PKN2: variants seen among roughly 807,000 people sequenced by gnomAD.
The protein encoded by PKN2 is serine/threonine-protein kinase N2.
Under a neutral mutation model 119.1 loss-of-function variants are expected in PKN2, and 38 were observed. The ratio of observed to expected loss-of-function variants is 0.32; its 90% CI spans 0.25 to 0.42. The LOEUF (loss-of-function observed/expected upper bound fraction) is 0.42. Among genes scored for constraint, PKN2 ranks in the 10% least tolerant of loss-of-function variants. PKN2 has a pLI of 1.00. For missense variants in PKN2, 850 were observed against 1,165.1 expected (o/e 0.73, Z 3.94); for synonymous variants, 390 against 384.9 (o/e 1.01, Z -0.15).
chr1:88,754,006 T>C (rs1430478300), intron 2 of PKN2, among the ~76,000 whole-genome samples: 1 of 148,980 alleles, frequency 6.7e-6, no homozygotes, highest in East Asian at 1.9e-4. Context: ...TACCCTTTTC[T>C]GACTGCTGTG....
intron 18 of PKN2, among the ~76,000 whole-genome samples, chr1:88,826,359 C>T (rs1429811822): frequency 3.3e-5 from 5 of 149,958 alleles, no homozygotes; most frequent in African/African-American, 7.5e-5. Flanking sequence ...GCTTCATATG[C>T]ATATCTCCTG....
At chr1:88,786,389 T>A (rs1187052925) in intron 8 of PKN2, among the ~76,000 whole-genome samples, 176 bp downstream of exon 8, 2 of 152,194 alleles carry the variant, frequency 1.3e-5, no homozygotes, top group African/African-American at 4.8e-5. Context: ...AATATAGAGA[T>A]GAATATCAGA....
intron 12 of PKN2, among the ~76,000 whole-genome samples, chr1:88,806,793 C>T (rs566057162): frequency 1.1e-4 from 17 of 152,250 alleles, no homozygotes; most frequent in Non-Finnish European, 2.1e-4. Context: ...GATCTTGGCT[C>T]ACTGCAACCT....
intron 1 of PKN2, among the ~76,000 whole-genome samples, chr1:88,740,491 A>C (rs1668534236): frequency 1.3e-5 from 2 of 152,056 alleles, no homozygotes; most frequent in Non-Finnish European, 2.9e-5. Flanking sequence ...AATACTTTTT[A>C]TTTATTAAGT....
intron 1 of PKN2, among the ~76,000 whole-genome samples, chr1:88,686,088 G>A (rs541425717): frequency 2.0e-5 from 3 of 152,226 alleles, no homozygotes; most frequent in Non-Finnish European, 4.4e-5. Context: ...AGATCTTACA[G>A]CATACCACAT....
intron 15 of PKN2, among the ~76,000 whole-genome samples, chr1:88,809,295 A>G (rs1671686966): frequency 6.6e-6 from 1 of 152,214 alleles, no homozygotes; most frequent in Non-Finnish European, 1.5e-5. Context: ...ACAAGCAGAT[A>G]ATTAAAGCAA....
At chr1:88,708,160 G>T (rs1667073702) in intron 1 of PKN2, among the ~76,000 whole-genome samples, 1 of 152,060 alleles carries the variant, frequency 6.6e-6, no homozygotes, top group Non-Finnish European at 1.5e-5. Flanking sequence ...ATATTGTGTA[G>T]ATCTGCAGTG....
chr1:88,830,799 CT>C (rs1186390287), intron 19 of PKN2, among the ~76,000 whole-genome samples: 4 of 152,058 alleles, frequency 2.6e-5, no homozygotes, highest in Admixed American at 6.6e-5. Context: ...TGCAATTTCT[CT>C]TTAGTATCTC....
chr1:88,777,435 G>A (rs760113441), intron 6 of PKN2, among the ~76,000 whole-genome samples: 50 of 152,142 alleles, frequency 3.3e-4, no homozygotes, highest in Non-Finnish European at 4.9e-4. Context: ...TGAACTGACC[G>A]TATTCTGTTA....
At chr1:88,745,409 T>C (rs1187075497) in intron 2 of PKN2, among the ~76,000 whole-genome samples, 2 of 152,192 alleles carry the variant, frequency 1.3e-5, no homozygotes, top group African/African-American at 2.4e-5. Context: ...AATAAAGGAA[T>C]TCAGTCAAGT....
intron 1 of PKN2, among the ~76,000 whole-genome samples, chr1:88,706,899 T>C (rs1315188077): frequency 6.6e-6 from 1 of 152,108 alleles, no homozygotes; most frequent in Admixed American, 6.5e-5. Flanking sequence ...CCTTTCTAAT[T>C]CATTCCATTT....
Position 88,728,016 on chromosome 1 carries a change from C to CTT in PKN2, c.49-12955_49-12954dup, listed in dbSNP as rs34460979. Among the ~76,000 whole-genome samples, 566 of 130,674 alleles carry CTT rather than the reference C, an allele frequency of 4.3e-3. 2 individuals carry two copies. Among genetic ancestry groups the CTT allele is most frequent in the Middle Eastern group, 7.7e-3 (2 of 260 alleles). 85.7% of individuals were successfully genotyped at this position (130,674 alleles called of 152,430 possible). A position where few individuals can be genotyped will look rare whatever the true frequency, so the allele number is the denominator to read the frequency against. The stretch of plus-strand genomic sequence containing the variant: ...TAAAGAGAGCAGGTTTTTCTTGGGG[C>CTT]TTTTTTTTTTTTTTTTTTATTCTTT... On this transcript the variant is annotated intron_variant, in intron 1 of 21. Coordinates refer to ENST00000370521, the MANE Select transcript of PKN2 (RefSeq NM_006256.4).
In PKN2 at chr1:88,807,702, A is replaced by G. The variant is rs537574477; in HGVS notation, c.2029A>G (p.Lys677Glu). ...HFGKVLLAEY[K>E]NTNEMFAIKA... The stretch of plus-strand genomic sequence containing the variant: ...ATTTCAGGTGCTTTTAGCTGAATAT[A>G]AAAACACAAATGAGATGTTTGCTAT... The change falls in exon 15 of 22, where the codon AAA becomes GAA. Residue 677 changes from lysine (K) to glutamate (E), a missense_variant. Lys to Glu is a moderately conservative substitution (Grantham distance 56). Transcript: ENST00000370521. The G allele has an allele frequency of 6.2e-7, 1 of 1,600,030 alleles. No individual in the cohort carries two copies. The highest frequency in any genetic ancestry group is 1.1e-5 in the South Asian group (1 of 88,440).
Position 88,784,132 on chromosome 1 carries a change from C to CTTTTT in PKN2, c.986-489_986-485dup, listed in dbSNP as rs397862410. On this transcript the variant is annotated intron_variant, in intron 6 of 21. Transcript: ENST00000370521. ...AGACAACTTTTGGGAGATGCTGTTCCTTTTTTTTTTTTTTTTTTTTTTGGA... is the reference window on the plus strand; with the variant it reads ...AGACAACTTTTGGGAGATGCTGTTCCTTTTTTTTTTTTTTTTTTTTTTTTTTTGGA... Among the ~76,000 whole-genome samples the CTTTTT allele has an allele frequency of 3.8e-3, 393 of 103,922 alleles. 13 individuals are homozygous for CTTTTT. The highest frequency in any genetic ancestry group is 0.015 in the African/African-American group (371 of 24,580). 68.2% of individuals were successfully genotyped at this position (103,922 alleles called of 152,430 possible).
intron 1 of PKN2, among the ~76,000 whole-genome samples, chr1:88,705,942 C>T (rs1666986897): frequency 6.6e-6 from 1 of 151,880 alleles, no homozygotes. Flanking sequence ...TCCAAATTTA[C>T]TCTCCTTTTT....
chr1:88,735,047 T>G (rs1668284036), intron 1 of PKN2, among the ~76,000 whole-genome samples: 1 of 152,232 alleles, frequency 6.6e-6, no homozygotes, highest in Non-Finnish European at 1.5e-5. Flanking sequence ...TTTATAGTAT[T>G]ATAGTATTCC....
intron 2 of PKN2, among the ~76,000 whole-genome samples, chr1:88,758,374 T>C (rs1048975359): frequency 3.9e-5 from 1 of 25,372 alleles, no homozygotes; most frequent in Non-Finnish European, 9.3e-5. Flanking sequence ...CATATTATGC[T>C]TTTTTTTTAA....
intron 19 of PKN2, among the ~76,000 whole-genome samples, chr1:88,829,704 T>G (rs1672656618): frequency 6.6e-6 from 1 of 152,164 alleles, no homozygotes; most frequent in African/African-American, 2.4e-5. Context: ...TTGAAGGGAC[T>G]TGAACTGGAG....
intron 1 of PKN2, among the ~76,000 whole-genome samples, chr1:88,729,411 A>G (rs1041316561): frequency 5.3e-5 from 8 of 152,196 alleles, no homozygotes; most frequent in Admixed American, 6.5e-5. Context: ...CCTGGTCTCA[A>G]CTGGGCTCAC....
Sources: allele counts gnomAD v4.1 joint callset (sites outside exome capture counted in the v4.1 genomes callset), GRCh38; gene constraint gnomAD v4.1.1; transcripts MANE v1.5; gene names NCBI Gene and HGNC (gene_info 2026-07-23, HGNC 2026-07-21).